The following TMEM26 variants were observed in gnomAD, a reference collection of about 807,000 sequenced individuals.
TMEM26 encodes the protein transmembrane protein 26.
A neutral mutation model predicts 28.8 loss-of-function variants in TMEM26; 38 were observed. The observed-to-expected ratio is 1.32, with a 90% CI of 1.02 to 1.73. TMEM26 has a LOEUF of 1.73. Among genes scored for constraint, TMEM26 ranks in the 40% most tolerant of loss-of-function variants. The pLI, the probability that TMEM26 is intolerant of heterozygous loss-of-function variation, is 0.00. For missense variants in TMEM26, 518 were observed against 447.1 expected, an observed-to-expected ratio of 1.16 and a Z score of -1.43; for synonymous variants, 227 against 182.9, an observed-to-expected ratio of 1.24 and a Z score of -1.95.
intron 3 of TMEM26, 73 bp from the exon 4 acceptor site, chr10:61,429,219 C>T (rs550866854): frequency 5.4e-6 from 7 of 1,291,386 alleles, no homozygotes; most frequent in Admixed American, 5.3e-5. Context: ...CCTCACTGTG[C>T]TTTCAATCAA....
chr10:61,440,514 CAAA>C (rs60111640), intron 1 of TMEM26, among the ~76,000 whole-genome samples: 2 of 99,046 alleles, frequency 2.0e-5, no homozygotes, highest in Non-Finnish European at 2.0e-5. Context: ...TTCCAGTTCT[CAAA>C]AAAAAAAAAA....
chr10:61,446,324 C>T (rs1028481573), intron 1 of TMEM26, among the ~76,000 whole-genome samples: 4 of 152,140 alleles, frequency 2.6e-5, no homozygotes, highest in African/African-American at 7.2e-5. Context: ...TTAAGTCACC[C>T]TTCTGCACTG....
chr10:61,430,775 G>A (rs970106875), intron 3 of TMEM26, among the ~76,000 whole-genome samples: 1 of 152,038 alleles, frequency 6.6e-6, no homozygotes, highest in African/African-American at 2.4e-5. Context: ...CCACTGTGGT[G>A]CAGGGTATTG....
rs1840001053 is a variant in TMEM26, at chr10:61,436,089, C to T, written c.270+81G>A. 6 of 870,404 alleles carry T rather than the reference C, an allele frequency of 6.9e-6. No homozygotes were observed. In the Admixed American group the frequency reaches 1.2e-4, roughly 17 times the overall value. The allele number at this position is 870,404 out of a possible 1,614,324, so 53.9% of individuals were successfully genotyped here. A position where few individuals can be genotyped will look rare whatever the true frequency, so the allele number is the denominator to read the frequency against. On this transcript the variant is annotated intron_variant, in intron 2 of 5. Transcript: ENST00000399298. The stretch of plus-strand genomic sequence containing the variant: ...CTAACTCCAGTACCTTAGAAAAGTG[C>T]ATTCCGAAAATAAACTGGATCATAC...
intron 5 of TMEM26, 75 bp downstream of exon 5, chr10:61,413,384 C>T (rs1331638258): frequency 6.4e-7 from 1 of 1,566,556 alleles, no homozygotes; most frequent in Non-Finnish European, 8.6e-7. Context: ...TTTCACTTGC[C>T]TTCTTAGTTT....
At chr10:61,425,199 T>TG (rs896644375) in intron 4 of TMEM26, among the ~76,000 whole-genome samples, 4 of 152,090 alleles carry the variant, frequency 2.6e-5, no homozygotes, top group African/African-American at 9.7e-5. Context: ...TCAGATTTTG[T>TG]GAGACTCATT....
chr10:61,428,842 G>A, intron 4 of TMEM26, 84 bp downstream of exon 4: 1 of 1,188,754 alleles, frequency 8.4e-7, no homozygotes, highest in South Asian at 1.4e-5. Context: ...TCTTATTCAT[G>A]TGAAATACAA....
intron 1 of TMEM26, among the ~76,000 whole-genome samples, chr10:61,451,722 T>G (rs1013514314): frequency 4.6e-5 from 7 of 152,200 alleles, no homozygotes; most frequent in Non-Finnish European, 7.3e-5. Flanking sequence ...AGGATTGTTC[T>G]TGAATAATTT....
intron 5 of TMEM26, among the ~76,000 whole-genome samples, chr10:61,411,724 T>C (rs1476458656): frequency 6.6e-6 from 1 of 152,226 alleles, no homozygotes; most frequent in East Asian, 1.9e-4. Context: ...TTTGTCTTAA[T>C]TTCTGAAATG....
chr10:61,435,998 T>C (rs939992094), intron 2 of TMEM26, among the ~76,000 whole-genome samples, 172 bp downstream of exon 2: 3 of 152,164 alleles, frequency 2.0e-5, no homozygotes, highest in African/African-American at 7.2e-5. Flanking sequence ...TTGGAGTTTT[T>C]TTTTGGGGGG....
chr10:61,445,885 A>G (rs959862301), intron 1 of TMEM26, among the ~76,000 whole-genome samples: 5 of 152,218 alleles, frequency 3.3e-5, no homozygotes, highest in East Asian at 3.8e-4. Flanking sequence ...TGCTGTATGC[A>G]TAATGTCACT....
rs757631280 is a variant in TMEM26, at chr10:61,408,541, T to C, written c.*1781A>G. ...ATGTTGTGGAAGAAAATATTCAACA[T>C]AAAGCAGTCAACATAAAAACAGATT... On this transcript the variant is annotated 3_prime_UTR_variant, in exon 6 of 6. Coordinates refer to ENST00000399298, the MANE Select transcript of TMEM26 (RefSeq NM_178505.8). The C allele has an allele frequency of 1.7e-4, 26 of 152,190 alleles. No individual in the cohort carries two copies. Among genetic ancestry groups the C allele is most frequent in the Non-Finnish European group, 2.9e-4 (20 of 68,022 alleles). 9.4% of individuals were successfully genotyped at this position (152,190 alleles called of 1,614,324 possible).
At chr10:61,413,315 A>C in intron 5 of TMEM26, 144 bp downstream of exon 5, 1 of 1,396,014 alleles carries the variant, frequency 7.2e-7, no homozygotes, top group South Asian at 1.5e-5. Context: ...ACTAAGTTTC[A>C]ATCTACTTTC....
chr10:61,440,382 T>C (rs1285816440), intron 1 of TMEM26, among the ~76,000 whole-genome samples: 1 of 152,180 alleles, frequency 6.6e-6, no homozygotes, highest in Admixed American at 6.5e-5. Flanking sequence ...CACACTGCCA[T>C]GGTTTGCATG....
At chr10:61,446,039 G>A (rs1011846439) in intron 1 of TMEM26, among the ~76,000 whole-genome samples, 16 of 152,082 alleles carry the variant, frequency 1.1e-4, no homozygotes, top group Non-Finnish European at 1.5e-5. Flanking sequence ...TTAATTTTCA[G>A]TTCTAAATGT....
chr10:61,450,634 C>G (rs1840261246), intron 1 of TMEM26, among the ~76,000 whole-genome samples: 1 of 151,256 alleles, frequency 6.6e-6, no homozygotes, highest in African/African-American at 2.5e-5. Context: ...TATACTAAGT[C>G]AAATCAATCA....
chr10:61,434,010 G>A (rs1034596537), intron 2 of TMEM26, among the ~76,000 whole-genome samples: 1 of 152,134 alleles, frequency 6.6e-6, no homozygotes, highest in Non-Finnish European at 1.5e-5. Flanking sequence ...GAAAACATTT[G>A]TGAAAGTGCA....
At chr10:61,448,619 GT>G (rs199499296) in intron 1 of TMEM26, among the ~76,000 whole-genome samples, 27,940 of 126,416 alleles carry the variant, frequency 0.22, 2,483 homozygotes, top group East Asian at 0.32. Context: ...CTGTTTTTTT[GT>G]TTTTTTTTTT....
intron 1 of TMEM26, 125 bp downstream of exon 1, chr10:61,452,766 C>G: frequency 8.1e-7 from 1 of 1,241,766 alleles, no homozygotes; most frequent in Non-Finnish European, 1.1e-6. Flanking sequence ...TCCAAGCGAT[C>G]AGCGAGGAAA....
Sources: gnomAD v4.1 joint callset for allele counts (sites outside exome capture counted in the v4.1 genomes callset) on GRCh38, gnomAD v4.1.1 for gene constraint, MANE v1.5 for transcripts, NCBI Gene and HGNC (gene_info 2026-07-23, HGNC 2026-07-21) for gene names.